The following DDX10 variants were observed in gnomAD, a reference collection of about 807,000 sequenced individuals.
DDX10 encodes the protein DEAD-box helicase 10.
Under a neutral mutation model 104.3 loss-of-function variants are expected in DDX10, and 74 were observed. The observed-to-expected ratio is 0.71, with a 90% CI of 0.59 to 0.86. DDX10 has a LOEUF of 0.86. Ranked by LOEUF, DDX10 falls within the 40% of genes least tolerant of loss-of-function variation. The pLI, the probability that DDX10 is intolerant of heterozygous loss-of-function variation, is 0.00. For missense variants in DDX10, 952 were observed against 1,040.0 expected (o/e 0.92, Z 1.16); for synonymous variants, 351 against 353.4 (o/e 0.99, Z 0.08).
chr11:108,911,005 GC>G, intron 16 of DDX10, among the ~76,000 whole-genome samples: 1 of 152,256 alleles, frequency 6.6e-6, no homozygotes, highest in South Asian at 2.1e-4. Context: ...GGTGAAAACT[GC>G]TTTCTATCTC....
At position 108,723,287 on chromosome 11, in the gene DDX10, CA is replaced by C; in HGVS notation, c.1794del (p.Ala599GlnfsTer38). 1 of 1,613,554 alleles carries C rather than the reference CA, an allele frequency of 6.2e-7. No individual in the cohort carries two copies. Among genetic ancestry groups the C allele is most frequent in the South Asian group, 1.1e-5 (1 of 90,998 alleles). ...DDEEEMEEKL[A>X]KAKGSQAPSL... The stretch of plus-strand genomic sequence containing the variant: ...GAAGAAGAAATGGAAGAGAAACTGG[CA>C]AAAGCAAAAGGATCTCAAGCCCCAT... On this transcript the variant is annotated frameshift_variant, in exon 13 of 18. Transcript: ENST00000322536. LOFTEE classifies it high-confidence loss of function.
At position 108,667,085 on chromosome 11, in the gene DDX10, T is replaced by C. The variant is rs565847466; in HGVS notation, c.186+1746T>C. Among the ~76,000 whole-genome samples, 3 of 152,360 alleles carry C rather than the reference T, an allele frequency of 2.0e-5. No homozygotes were observed. In the South Asian group the frequency reaches 6.2e-4, roughly 32 times the overall value. On this transcript the variant is annotated intron_variant, in intron 1 of 17. Coordinates refer to ENST00000322536, the MANE Select transcript of DDX10 (RefSeq NM_004398.4). ...TCTTCAGTCCCCATCATCTCTTGCC[T>C]GGATTACTATAGTAAATATTGCTTT...
chr11:108,891,352 G>T (rs987855981), intron 16 of DDX10, among the ~76,000 whole-genome samples: 1 of 152,132 alleles, frequency 6.6e-6, no homozygotes, highest in African/African-American at 2.4e-5. Context: ...GCCCTTCACA[G>T]GCGCTGTGCA....
At chr11:108,718,523 C>A (rs2094294344) in intron 11 of DDX10, among the ~76,000 whole-genome samples, 1 of 152,150 alleles carries the variant, frequency 6.6e-6, no homozygotes, top group African/African-American at 2.4e-5. Flanking sequence ...TTTGGTATGT[C>A]ATGACTTACT....
At chr11:108,935,986 T>C (rs1249590750) in intron 17 of DDX10, among the ~76,000 whole-genome samples, 2 of 152,220 alleles carry the variant, frequency 1.3e-5, no homozygotes, top group Admixed American at 6.5e-5. Flanking sequence ...TCAGTTAATA[T>C]AATTCTAGCC....
At chr11:108,770,964 C>T (rs1157697629) in intron 13 of DDX10, among the ~76,000 whole-genome samples, 1 of 152,126 alleles carries the variant, frequency 6.6e-6, no homozygotes, top group Non-Finnish European at 1.5e-5. Context: ...TACATTCCCA[C>T]CAACAGTGTA....
chr11:108,711,207 CTAAGT>C (rs1325883728), intron 10 of DDX10, among the ~76,000 whole-genome samples: 5 of 152,180 alleles, frequency 3.3e-5, no homozygotes, highest in Non-Finnish European at 5.9e-5. Context: ...ACAAAGTTTG[CTAAGT>C]TATTTTCATT....
chr11:108,893,126 ATACT>A (rs1863397904), intron 16 of DDX10, among the ~76,000 whole-genome samples: 1 of 152,150 alleles, frequency 6.6e-6, no homozygotes, highest in African/African-American at 2.4e-5. Context: ...TGATCAATAA[ATACT>A]TGCTGAAGAA....
At chr11:108,864,060 C>T (rs1250791071) in intron 16 of DDX10, among the ~76,000 whole-genome samples, 1 of 152,148 alleles carries the variant, frequency 6.6e-6, no homozygotes, top group Non-Finnish European at 1.5e-5. Context: ...GTGGTGTTGC[C>T]TGCATTGCCA....
chr11:108,756,882 AC>A (rs1442527813), intron 13 of DDX10, among the ~76,000 whole-genome samples: 1 of 152,032 alleles, frequency 6.6e-6, no homozygotes, highest in Non-Finnish European at 1.5e-5. Context: ...GTTATCACAT[AC>A]TTTTGGTCTT....
At chr11:108,874,680 A>T (rs1402062801) in intron 16 of DDX10, among the ~76,000 whole-genome samples, 1 of 152,024 alleles carries the variant, frequency 6.6e-6, no homozygotes, top group African/African-American at 2.4e-5. Context: ...GGGTGCTCTG[A>T]GATATTTGAA....
chr11:108,842,798 G>A (rs1862658941), intron 15 of DDX10, among the ~76,000 whole-genome samples: 1 of 152,178 alleles, frequency 6.6e-6, no homozygotes, highest in Non-Finnish European at 1.5e-5. Context: ...TCATGTTTCA[G>A]CTTGCAATCT....
intron 17 of DDX10, among the ~76,000 whole-genome samples, chr11:108,936,798 A>G (rs1427021552): frequency 3.3e-5 from 5 of 152,144 alleles, no homozygotes; most frequent in Admixed American, 1.3e-4. Flanking sequence ...CTAAATCTCT[A>G]TTTCCTTCAG....
At chr11:108,713,020 A>G (rs7116062) in intron 10 of DDX10, among the ~76,000 whole-genome samples, 80,693 of 151,962 alleles carry the variant, frequency 0.53, 22,343 homozygotes, top group Non-Finnish European at 0.61. Flanking sequence ...GGTGTCTGAG[A>G]AATCAGGTGT....
rs759245506 is a variant in DDX10, at chr11:108,689,041, A to G, written c.954A>G (p.Val318=). Residue 318 remains valine (V), a synonymous_variant, in exon 7 of 18, where the codon GTA becomes GTG. Coordinates refer to ENST00000322536, the MANE Select transcript of DDX10 (RefSeq NM_004398.4). ...LRSHLKKKSI[V]FFSSCKEVQY... is the part of the protein sequence containing the mutation. ...GCCATCTGAAGAAGAAGAGCATTGT[A>G]TTTTTTTCCAGTTGCAAAGAGGTAT... 3.7e-6 allele frequency: 6 copies of G among 1,613,946 alleles called. No homozygotes were observed. The highest frequency in any genetic ancestry group is 5.1e-6 in the Non-Finnish European group (6 of 1,179,924).
At chr11:108,925,992 T>C (rs1393546292) in intron 17 of DDX10, among the ~76,000 whole-genome samples, 1 of 152,062 alleles carries the variant, frequency 6.6e-6, no homozygotes, top group Admixed American at 6.6e-5. Context: ...CTTGGGTAGG[T>C]GGTGATCTTA....
At chr11:108,832,647 A>G (rs1311061599) in intron 13 of DDX10, among the ~76,000 whole-genome samples, 1 of 152,246 alleles carries the variant, frequency 6.6e-6, no homozygotes, top group Non-Finnish European at 1.5e-5. Flanking sequence ...CATAAAGCCT[A>G]ATAATATACT....
intron 16 of DDX10, among the ~76,000 whole-genome samples, chr11:108,912,766 G>A (rs567246155): frequency 6.6e-6 from 1 of 152,336 alleles, no homozygotes; most frequent in African/African-American, 2.4e-5. Context: ...CTCTGCTCAT[G>A]TGAGAAAAAT....
intron 17 of DDX10, among the ~76,000 whole-genome samples, chr11:108,937,524 A>G (rs1864051827): frequency 6.6e-6 from 1 of 152,252 alleles, no homozygotes; most frequent in African/African-American, 2.4e-5. Context: ...TTTCTTAATT[A>G]TTAGCAATGA....
Sources: gnomAD v4.1 joint callset for allele counts (sites outside exome capture counted in the v4.1 genomes callset) on GRCh38, gnomAD v4.1.1 for gene constraint, MANE v1.5 for transcripts, NCBI Gene and HGNC (gene_info 2026-07-23, HGNC 2026-07-21) for gene names.